MEF2A: variants seen among roughly 807,000 people sequenced by gnomAD.
MEF2A encodes myocyte-specific enhancer factor 2A.
MEF2A carries 28 observed loss-of-function variants against 55.8 expected under a neutral mutation model. The ratio of observed to expected loss-of-function variants is 0.50; its 90% CI spans 0.37 to 0.69. The LOEUF is 0.69. Ranked by LOEUF, MEF2A falls within the 30% of genes least tolerant of loss-of-function variation. The probability of loss-of-function intolerance (pLI) is 0.00; values close to 1 mark genes in which losing one functional copy is unlikely to be tolerated. For synonymous variants in MEF2A, 239 were observed against 227.1 expected, an observed-to-expected ratio of 1.05 and a Z score of -0.47; for missense variants, 528 against 626.2, an observed-to-expected ratio of 0.84 and a Z score of 1.67.
Position 99,680,182 on chromosome 15 carries a change from A to G in MEF2A, c.670+4724A>G, listed in dbSNP as rs527784931. 1.6e-4 allele frequency among the ~76,000 whole-genome samples: 24 copies of G among 152,348 alleles called. No homozygotes were observed. In the South Asian group the frequency reaches 5.0e-3, roughly 32 times the overall value. Reference sequence around the variant, plus strand: ...ATAATACGTGTTGCTCATTCTCCAGAGGAAAAAAGCAAGATAAAATCCAAG... The same window carrying G: ...ATAATACGTGTTGCTCATTCTCCAGGGGAAAAAAGCAAGATAAAATCCAAG... On this transcript the variant is annotated intron_variant, in intron 7 of 11. Coordinates refer to ENST00000557942, the MANE Select transcript of MEF2A (RefSeq NM_001319206.4).
chr15:99,600,172 G>GA (rs1972508146), intron 2 of MEF2A, among the ~76,000 whole-genome samples: 1 of 152,130 alleles, frequency 6.6e-6, no homozygotes, highest in South Asian at 2.1e-4. Flanking sequence ...TACTTTCTCT[G>GA]AACCTCAGTG....
chr15:99,624,704 A>C (rs1208262596), intron 2 of MEF2A, among the ~76,000 whole-genome samples: 7 of 152,204 alleles, frequency 4.6e-5, no homozygotes, highest in African/African-American at 1.7e-4. Context: ...TATTTCTGCA[A>C]AAATACCATT....
intron 7 of MEF2A, among the ~76,000 whole-genome samples, chr15:99,687,929 AT>A (rs2054614781): frequency 6.6e-6 from 1 of 152,204 alleles, no homozygotes; most frequent in African/African-American, 2.4e-5. Context: ...AGGTACTTCT[AT>A]GATTTCCAAT....
At chr15:99,699,071 CAA>C (rs371590167) in intron 8 of MEF2A, among the ~76,000 whole-genome samples, 1 of 148,830 alleles carries the variant, frequency 6.7e-6, no homozygotes, top group Non-Finnish European at 1.5e-5. Context: ...AAAAAAAAAA[CAA>C]AAAAAACTTG....
At chr15:99,671,648 T>A (rs1215628266) in intron 5 of MEF2A, 194 bp downstream of exon 5, 2 of 1,580,812 alleles carry the variant, frequency 1.3e-6, no homozygotes, top group African/African-American at 2.7e-5. Context: ...TGCGGAATCA[T>A]AAAATCGCAG....
In MEF2A at chr15:99,589,293, A is replaced by G. The variant is rs967978977; in HGVS notation, c.-224-9137A>G. ...TCAGTTTTGATAGTCTGCATGTTCT[A>G]AGAAATTTTGTCTACTTAAGTTGTC... On this transcript the variant is annotated intron_variant, in intron 1 of 11. Transcript: ENST00000557942. Among the ~76,000 whole-genome samples the G allele has an allele frequency of 2.6e-5, 4 of 152,204 alleles. No individual in the cohort carries two copies. In the East Asian group the frequency reaches 7.7e-4, roughly 29 times the overall value.
At chr15:99,704,301 A>G (rs1009819128) in intron 9 of MEF2A, among the ~76,000 whole-genome samples, 45 of 152,244 alleles carry the variant, frequency 3.0e-4, no homozygotes, top group Middle Eastern at 3.4e-3. Context: ...AAAATACGAG[A>G]TTGTTCTTTA....
At chr15:99,597,621 C>A (rs1427966089) in intron 1 of MEF2A, among the ~76,000 whole-genome samples, 1 of 152,164 alleles carries the variant, frequency 6.6e-6, no homozygotes, top group African/African-American at 2.4e-5. Context: ...CGCACACTCC[C>A]TCCCCTTTTG....
At chr15:99,704,526 G>A (rs765320084) in intron 9 of MEF2A, among the ~76,000 whole-genome samples, 5 of 152,218 alleles carry the variant, frequency 3.3e-5, no homozygotes, top group Non-Finnish European at 7.3e-5. Flanking sequence ...AGTTGTGAAT[G>A]CGTCCATGAA....
At chr15:99,684,431 T>C (rs2053828916) in intron 7 of MEF2A, among the ~76,000 whole-genome samples, 1 of 152,248 alleles carries the variant, frequency 6.6e-6, no homozygotes, top group Non-Finnish European at 1.5e-5. Flanking sequence ...TGGTATCTCA[T>C]TGTGATTTTG....
Position 99,713,339 on chromosome 15 carries a change from CA to C in MEF2A, c.*574del. ...CTGTTGATATTAAAAACAAACAAAA[CA>C]AAAAAGCCCCACACATAACTGTTTT... On this transcript the variant is annotated 3_prime_UTR_variant, in exon 12 of 12. Transcript: ENST00000557942. 2 of 254,576 alleles carry C rather than the reference CA, an allele frequency of 7.9e-6. No homozygotes were observed. Among genetic ancestry groups the C allele is most frequent in the Non-Finnish European group, 1.5e-5 (2 of 135,998 alleles). The allele number at this position is 254,576 out of a possible 1,614,324, so 15.8% of individuals were successfully genotyped here. A position where few individuals can be genotyped will look rare whatever the true frequency, so the allele number is the denominator to read the frequency against.
intron 8 of MEF2A, among the ~76,000 whole-genome samples, chr15:99,697,075 A>G (rs796351176): frequency 2.3e-4 from 35 of 152,190 alleles, no homozygotes; most frequent in African/African-American, 7.9e-4. Flanking sequence ...ATCTCAATGA[A>G]CTAGTAATAG....
rs2051977524 is a variant in MEF2A at position 99,676,131 on chromosome 15, A to G, written c.670+673A>G. Among the ~76,000 whole-genome samples, 5 of 152,250 alleles carry G rather than the reference A, an allele frequency of 3.3e-5. No homozygotes were observed. In the South Asian group the frequency reaches 1.0e-3, roughly 31 times the overall value. ...CATCAATAAAGATATTATTAAGACA[A>G]GTTACAAAATATTTAATGACAAAGT... On this transcript the variant is annotated intron_variant, in intron 7 of 11. Coordinates refer to ENST00000557942, the MANE Select transcript of MEF2A (RefSeq NM_001319206.4).
chr15:99,627,419 CAAAAAAAAAAAAAAAAA>C (rs139658538), intron 2 of MEF2A, among the ~76,000 whole-genome samples: 2 of 43,046 alleles, frequency 4.6e-5, no homozygotes, highest in African/African-American at 1.1e-4. Flanking sequence ...GACTTTATCT[CAAAAAAAAAAAAAAAAA>C]AAAAAAAAAA....
chr15:99,609,531 T>A (rs1259824276), intron 2 of MEF2A, among the ~76,000 whole-genome samples: 1 of 152,190 alleles, frequency 6.6e-6, no homozygotes, highest in Non-Finnish European at 1.5e-5. Flanking sequence ...TACGACATAA[T>A]GTTGTATTTT....
At chr15:99,605,415 G>A (rs1031561266) in intron 2 of MEF2A, among the ~76,000 whole-genome samples, 1 of 152,130 alleles carries the variant, frequency 6.6e-6, no homozygotes, top group Non-Finnish European at 1.5e-5. Context: ...TTAGGATGTG[G>A]TTTTCTTTCC....
intron 9 of MEF2A, among the ~76,000 whole-genome samples, chr15:99,704,515 G>T (rs1471047498): frequency 6.6e-6 from 1 of 152,200 alleles, no homozygotes; most frequent in African/African-American, 2.4e-5. Flanking sequence ...ACTGTTCAAG[G>T]AGTTGTGAAT....
chr15:99,592,529 T>C (rs563858866), intron 1 of MEF2A, among the ~76,000 whole-genome samples: 3 of 152,306 alleles, frequency 2.0e-5, no homozygotes, highest in South Asian at 4.1e-4. Context: ...TTAGACTGGA[T>C]AATTTATAAA....
rs1183697005 is a variant in MEF2A, at chr15:99,636,876, A to AG, written c.54+3707dup. On this transcript the variant is annotated intron_variant, in intron 3 of 11. Coordinates refer to ENST00000557942, the MANE Select transcript of MEF2A (RefSeq NM_001319206.4). ...TATTTTTGTGTTTGGTTTGAGGTGT[A>AG]GGGGTCAGGATTTGTTATTTTCCAG... 2.0e-5 allele frequency among the ~76,000 whole-genome samples: 3 copies of AG among 152,020 alleles called. No individual in the cohort carries two copies. In the East Asian group the frequency reaches 5.8e-4, roughly 29 times the overall value.
Sources: gnomAD v4.1 joint callset for allele counts (sites outside exome capture counted in the v4.1 genomes callset) on GRCh38, gnomAD v4.1.1 for gene constraint, MANE v1.5 for transcripts, NCBI Gene and HGNC (gene_info 2026-07-23, HGNC 2026-07-21) for gene names.